The following DENND4A variants were observed in gnomAD, a reference collection of about 807,000 sequenced individuals.
DENND4A encodes the protein DENN domain containing 4A, also known as C-myc promoter-binding protein.
A neutral mutation model predicts 199.3 loss-of-function variants in DENND4A; 70 were observed. The observed-to-expected ratio is 0.35, with a 90% CI of 0.29 to 0.43. The LOEUF (loss-of-function observed/expected upper bound fraction) is 0.43, where lower values mean the gene tolerates loss of function less well. Ranked by LOEUF, DENND4A falls within the 20% of genes least tolerant of loss-of-function variation. The probability of loss-of-function intolerance (pLI) is 1.00; values close to 1 mark genes in which losing one functional copy is unlikely to be tolerated. For missense variants in DENND4A, 1,723 were observed against 2,255.8 expected (o/e 0.76, Z 4.78); for synonymous variants, 686 against 766.9 (o/e 0.89, Z 1.74).
In DENND4A at chr15:65,715,315, C is replaced by G. The variant is rs555037765; in HGVS notation, c.1953+163G>C. 2.8e-4 allele frequency: 165 copies of G among 592,190 alleles called. 1 individual carries two copies. The highest frequency in any genetic ancestry group is 9.9e-4 in the Admixed American group (25 of 25,196). The allele number at this position is 592,190 out of a possible 1,614,324, so 36.7% of individuals were successfully genotyped here. A position where few individuals can be genotyped will look rare whatever the true frequency, so the allele number is the denominator to read the frequency against. On this transcript the variant is annotated intron_variant, in intron 14 of 32. Transcript: ENST00000443035. ...ACAAGGTAATTGTAAGAGGTGCATT[C>G]TATAATTTCTAGCAGGCTACCAAAA... is the stretch of plus-strand genomic sequence containing the variant.
chr15:65,705,569 A>T (rs1317509776), intron 15 of DENND4A, among the ~76,000 whole-genome samples: 2 of 152,128 alleles, frequency 1.3e-5, no homozygotes, highest in African/African-American at 4.8e-5. Context: ...AAATTCCCTA[A>T]ATTAACAATG....
At chr15:65,728,885 CTTT>C in intron 11 of DENND4A, 184 bp downstream of exon 11, 2 of 655,816 alleles carry the variant, frequency 3.0e-6, no homozygotes, top group African/African-American at 1.8e-5. Flanking sequence ...ACAAAACCTT[CTTT>C]AATACTCTAA....
At chr15:65,745,613 T>C (rs1196647977) in intron 4 of DENND4A, among the ~76,000 whole-genome samples, 2 of 152,138 alleles carry the variant, frequency 1.3e-5, no homozygotes, top group Non-Finnish European at 2.9e-5. Context: ...AAAAATTTTA[T>C]AAAAATGGGC....
In DENND4A at chr15:65,741,724, A is replaced by G. The variant is rs768434963; in HGVS notation, c.622T>C (p.Tyr208His). ...GAAAAATTACACTTACCAGCTTTGT[A>G]AGATACAGTGTTCGTCTTTGCCACC... The part of the protein sequence containing the change: ...KSVAKTNTVS[Y>H]KAGLICRYPQ... Residue 208 changes from tyrosine (Y) to histidine (H), a missense_variant, in exon 5 of 33, where the codon TAC (tyrosine) becomes CAC (histidine). Tyr to His is a moderately conservative substitution (Grantham distance 83, BLOSUM62 2). Around this residue, in one of 6 missense-constraint regions of DENND4A, gnomAD observed 725 missense variants for 952.9 expected, o/e 0.76. Transcript: ENST00000443035. The G allele has an allele frequency of 2.5e-6, 4 of 1,612,640 alleles. No homozygotes were observed. The highest frequency in any genetic ancestry group is 2.2e-5 in the South Asian group (2 of 91,026).
At chr15:65,728,473 CTT>C (rs1200082945) in intron 11 of DENND4A, among the ~76,000 whole-genome samples, 1 of 147,100 alleles carries the variant, frequency 6.8e-6, no homozygotes, top group African/African-American at 2.6e-5. Context: ...ATTTCTTTTT[CTT>C]TTTTTCTTTT....
In DENND4A at chr15:65,715,520, G is replaced by A; in HGVS notation, c.1911C>T (p.Asp637=). 4 of 1,611,494 alleles carry A rather than the reference G, an allele frequency of 2.5e-6. No homozygotes were observed. Among genetic ancestry groups the A allele is most frequent in the Non-Finnish European group, 3.4e-6 (4 of 1,179,236 alleles). The stretch of plus-strand genomic sequence containing the variant: ...CAAAAAATGCCAGGCTTGCATCTTT[G>A]TCACTAACAAAAGAACATTCTTCAA... ...RFIEECSFVS[D]KDASLAFFDD... Residue 637 remains aspartate (D), a synonymous_variant, in exon 14 of 33, where the codon GAC becomes GAT. Transcript: ENST00000443035.
rs1432475725 is a variant in DENND4A, at chr15:65,701,733, C to T, written c.2559+29G>A. On this transcript the variant is annotated intron_variant, in intron 18 of 32. Coordinates refer to ENST00000443035, the MANE Select transcript of DENND4A (RefSeq NM_001320835.1). ...ATGTTGCATAATGACAAAAGTAATA[C>T]TCTTTATCCATTAAACCAAGGTATT... The T allele has an allele frequency of 1.9e-6, 3 of 1,602,084 alleles. No individual in the cohort carries two copies. The South Asian group carries it at 3.3e-5, about 18-fold the overall frequency.
At chr15:65,668,188 A>C in intron 27 of DENND4A, 65 bp from the exon 28 acceptor site, 5 of 1,130,940 alleles carry the variant, frequency 4.4e-6, no homozygotes, top group Non-Finnish European at 4.9e-6. Context: ...ATCAACAAGG[A>C]TCATGTTCTC....
chr15:65,672,930 G>A (rs1161670497), intron 24 of DENND4A, among the ~76,000 whole-genome samples: 2 of 150,610 alleles, frequency 1.3e-5, no homozygotes, highest in Middle Eastern at 3.4e-3. Flanking sequence ...GCCTGATCTC[G>A]GCTAACTGCA....
Position 65,752,475 on chromosome 15 carries a change from C to A in DENND4A, c.465G>T (p.Thr155=). Reference sequence around the variant, plus strand: ...TAATACATATGTCAGTGACAGCCAACGTATTCTGAGTCATGTTTTCAGAGG... The same window carrying A: ...TAATACATATGTCAGTGACAGCCAAAGTATTCTGAGTCATGTTTTCAGAGG... The part of the protein sequence containing the change: ...RRASENMTQN[T]LAVTDICIII... Residue 155 remains threonine (T), a synonymous_variant, in exon 4 of 33, where the codon ACG becomes ACT. Transcript: ENST00000443035. 1 of 1,613,520 alleles carries A rather than the reference C, an allele frequency of 6.2e-7. No homozygotes were observed. The highest frequency in any genetic ancestry group is 8.5e-7 in the Non-Finnish European group (1 of 1,179,738).
At chr15:65,702,565 T>C (rs930664521) in intron 16 of DENND4A, 54 bp from the exon 17 acceptor site, 3 of 1,383,244 alleles carry the variant, frequency 2.2e-6, no homozygotes, top group African/African-American at 1.4e-5. Context: ...GGCATCTTTA[T>C]TTAACTGAGT....
Position 65,670,026 on chromosome 15 carries a change from T to C in DENND4A, c.4627A>G (p.Arg1543Gly). ...AAATATCATTACCTTCCAGGTCGTC[T>C]TAAATCTCTTATTTCTATATTCAGA... ...PFLNIEIRDL[R>G]RPGRYFLKSS... The change falls in exon 26 of 33, where the codon AGA becomes GGA. Residue 1543 changes from arginine (R) to glycine (G), a missense_variant. Coordinates refer to ENST00000443035, the MANE Select transcript of DENND4A (RefSeq NM_001320835.1). The C allele has an allele frequency of 6.3e-7, 1 of 1,593,004 alleles. No individual in the cohort carries two copies. The highest frequency in any genetic ancestry group is 1.4e-5 in the African/African-American group (1 of 74,048).
chr15:65,782,808 A>C (rs2077467439), intron 1 of DENND4A, among the ~76,000 whole-genome samples: 1 of 152,182 alleles, frequency 6.6e-6, no homozygotes, highest in African/African-American at 2.4e-5. Context: ...AGTTGCAGTA[A>C]TCTTAATGCT....
chr15:65,696,408 T>C lies in DENND4A; in HGVS notation c.3040A>G (p.Thr1014Ala). The C allele has an allele frequency of 1.9e-6, 3 of 1,612,804 alleles. No individual in the cohort carries two copies. The highest frequency in any genetic ancestry group is 2.5e-6 in the Non-Finnish European group (3 of 1,179,078). ...ATTTTACCAGCACTGTTGTTACTTG[T>C]ACCAGTGAGGCGAACGATACTGGAA... is the stretch of plus-strand genomic sequence containing the variant. Reference protein sequence around the residue: ...NSSSIVRLTGTSNNSAGKISG... With the variant: ...NSSSIVRLTGASNNSAGKISG... Residue 1014 changes from threonine to alanine, a missense_variant, in exon 22 of 33, where the codon ACA (threonine) becomes GCA (alanine). Thr to Ala is a moderately conservative substitution (Grantham distance 58, BLOSUM62 0). Transcript: ENST00000443035.
At chr15:65,786,398 T>C (rs1306447070) in intron 1 of DENND4A, among the ~76,000 whole-genome samples, 1 of 152,154 alleles carries the variant, frequency 6.6e-6, no homozygotes, top group African/African-American at 2.4e-5. Flanking sequence ...TTTGTTTTTT[T>C]TCTAGTGCCA....
intron 4 of DENND4A, among the ~76,000 whole-genome samples, chr15:65,747,162 T>C (rs2076425982): frequency 6.6e-6 from 1 of 151,964 alleles, no homozygotes. Flanking sequence ...AGTCTCAAAT[T>C]TGCCAAAAAT....
At chr15:65,778,075 A>G (rs1030411080) in intron 1 of DENND4A, among the ~76,000 whole-genome samples, 4 of 152,140 alleles carry the variant, frequency 2.6e-5, no homozygotes, top group African/African-American at 9.7e-5. Flanking sequence ...GATATTCCTC[A>G]GCACAATAAA....
chr15:65,756,457 T>C lies in DENND4A; in HGVS notation c.-7A>G. 2 of 1,589,478 alleles carry C rather than the reference T, an allele frequency of 1.3e-6. No homozygotes were observed. The highest frequency in any genetic ancestry group is 1.7e-6 in the Non-Finnish European group (2 of 1,170,240). On this transcript the variant is annotated 5_prime_UTR_variant, in exon 3 of 33. It removes an upstream start codon present in the reference 5' UTR. Coordinates refer to ENST00000443035, the MANE Select transcript of DENND4A (RefSeq NM_001320835.1). Reference sequence around the variant, plus strand: ...GCCCCTTGTCTTCAATCATCTTCCATTACAGAAGGTTACATCTAAAAGGAA... The same window carrying C: ...GCCCCTTGTCTTCAATCATCTTCCACTACAGAAGGTTACATCTAAAAGGAA...
intron 22 of DENND4A, among the ~76,000 whole-genome samples, chr15:65,694,815 A>G (rs1425884724): frequency 1.3e-5 from 2 of 152,188 alleles, no homozygotes; most frequent in Non-Finnish European, 2.9e-5. Flanking sequence ...TCTACTCTAC[A>G]CTTTTATAAA....
Sources: gnomAD v4.1 joint callset for allele counts (sites outside exome capture counted in the v4.1 genomes callset) on GRCh38, gnomAD v4.1.1 for gene constraint, gnomAD v4.1.1 regional missense constraint, MANE v1.5 for transcripts, NCBI Gene and HGNC (gene_info 2026-07-23, HGNC 2026-07-21) for gene names.